ADAMTSL1: variants seen among roughly 807,000 people sequenced by gnomAD.
ADAMTSL1 encodes the protein ADAMTS-like protein 1.
A neutral mutation model predicts 201.8 loss-of-function variants in ADAMTSL1; 126 were observed. The observed-to-expected ratio is 0.62, with a 90% CI of 0.54 to 0.72. The LOEUF (loss-of-function observed/expected upper bound fraction) is 0.72. Among genes scored for constraint, ADAMTSL1 ranks in the 30% least tolerant of loss-of-function variants. The pLI is 0.00. For missense variants in ADAMTSL1, 2,679 were observed against 2,277.8 expected, an observed-to-expected ratio of 1.18 and a Z score of -3.59; for synonymous variants, 1,121 against 903.4, an observed-to-expected ratio of 1.24 and a Z score of -4.32.
At chr9:18,908,416 C>T in intron 28 of ADAMTSL1, 26 bp from the exon 29 acceptor site, 4 of 1,538,958 alleles carry the variant, frequency 2.6e-6, no homozygotes, top group Non-Finnish European at 2.6e-6. Context: ...TCTGTCTCCT[C>T]TCCCGACCCC....
intron 23 of ADAMTSL1, among the ~76,000 whole-genome samples, chr9:18,879,083 C>T (rs745687285): frequency 4.6e-5 from 7 of 152,278 alleles, no homozygotes; most frequent in South Asian, 2.1e-4. Flanking sequence ...GGCTTAGTTC[C>T]GTTTCACTAT....
chr9:18,616,524 G>C (rs1825711026), intron 4 of ADAMTSL1, among the ~76,000 whole-genome samples: 2 of 151,854 alleles, frequency 1.3e-5, no homozygotes, highest in African/African-American at 4.8e-5. Context: ...AGTGGTTTTT[G>C]ATTTATTCAT....
intron 1 of ADAMTSL1, among the ~76,000 whole-genome samples, chr9:18,026,933 C>A (rs547296699): frequency 2.9e-4 from 44 of 151,980 alleles, no homozygotes; most frequent in African/African-American, 1.0e-3. Flanking sequence ...CTGATTCAAT[C>A]TTGGGAGTTA....
intron 1 of ADAMTSL1, among the ~76,000 whole-genome samples, chr9:18,151,255 T>C (rs1826898302): frequency 6.6e-6 from 1 of 152,070 alleles, no homozygotes; most frequent in Admixed American, 6.6e-5. Context: ...TTTACACAAC[T>C]GTAATGTGGG....
intron 2 of ADAMTSL1, among the ~76,000 whole-genome samples, chr9:18,397,240 G>T (rs1195872308): frequency 2.0e-5 from 3 of 152,128 alleles, no homozygotes; most frequent in African/African-American, 7.2e-5. Flanking sequence ...AGAATGAGTT[G>T]AGAGTGCCTT....
At chr9:18,717,966 T>C (rs768993017) in intron 14 of ADAMTSL1, 63 of 1,525,880 alleles carry the variant, frequency 4.1e-5, no homozygotes, top group Admixed American at 6.7e-5. Context: ...GCAATGCACT[T>C]AGTACATTAA....
chr9:18,699,320 C>CT (rs34869167), intron 13 of ADAMTSL1, among the ~76,000 whole-genome samples: 4,635 of 120,248 alleles, frequency 0.039, 215 homozygotes, highest in East Asian at 0.2. Flanking sequence ...GGGTTTTTTA[C>CT]TTTTTTTTTT....
chr9:18,739,266 G>T (rs1485911902), intron 15 of ADAMTSL1, among the ~76,000 whole-genome samples: 1 of 152,112 alleles, frequency 6.6e-6, no homozygotes, highest in African/African-American at 2.4e-5. Flanking sequence ...ACTTTCCCAA[G>T]GTCATAAAAC....
At chr9:18,466,844 C>G (rs1821024995) in intron 2 of ADAMTSL1, among the ~76,000 whole-genome samples, 1 of 152,070 alleles carries the variant, frequency 6.6e-6, no homozygotes, top group Non-Finnish European at 1.5e-5. Context: ...GAAGACCATA[C>G]AGTGATCTGT....
intron 1 of ADAMTSL1, among the ~76,000 whole-genome samples, chr9:18,503,421 G>GTGTGTATATATATATATA (rs376466829): frequency 1.7e-5 from 2 of 115,288 alleles, no homozygotes; most frequent in African/African-American, 3.1e-5. Context: ...ATTCCATTGT[G>GTGTGTATATATATATATA]TATATATATA....
intron 2 of ADAMTSL1, among the ~76,000 whole-genome samples, chr9:18,166,676 C>G (rs10963485): frequency 0.16 from 24,732 of 151,802 alleles, 2,278 homozygotes; most frequent in East Asian, 0.24. Context: ...AACACCATGT[C>G]TCACTCCAGG....
intron 1 of ADAMTSL1, among the ~76,000 whole-genome samples, chr9:18,135,134 T>C (rs945775701): frequency 4.6e-5 from 7 of 152,180 alleles, no homozygotes; most frequent in African/African-American, 1.7e-4. Flanking sequence ...TTTGTAATTA[T>C]AAACATCTGA....
At chr9:18,662,734 G>C (rs138221168) in intron 9 of ADAMTSL1, among the ~76,000 whole-genome samples, 5 of 152,254 alleles carry the variant, frequency 3.3e-5, no homozygotes, top group Admixed American at 2.0e-4. Flanking sequence ...TTATCTGCAG[G>C]GTCAAGAATC....
intron 2 of ADAMTSL1, among the ~76,000 whole-genome samples, chr9:18,311,248 A>C (rs567066914): frequency 6.6e-6 from 1 of 152,130 alleles, no homozygotes; most frequent in South Asian, 2.1e-4. Context: ...AGAAATACCT[A>C]ATATAGATGA....
At chr9:18,562,680 A>T (rs1328429691) in intron 3 of ADAMTSL1, among the ~76,000 whole-genome samples, 1 of 152,168 alleles carries the variant, frequency 6.6e-6, no homozygotes, top group African/African-American at 2.4e-5. Flanking sequence ...GTCTTTTCAC[A>T]TAGTTCCATA....
chr9:18,197,278 C>T (rs1234942201), intron 2 of ADAMTSL1, among the ~76,000 whole-genome samples: 1 of 152,114 alleles, frequency 6.6e-6, no homozygotes, highest in Non-Finnish European at 1.5e-5. Flanking sequence ...GCAGTATGGC[C>T]ATTTTCACAA....
At chr9:18,842,278 C>T (rs1462428881) in intron 23 of ADAMTSL1, among the ~76,000 whole-genome samples, 3 of 152,022 alleles carry the variant, frequency 2.0e-5, no homozygotes, top group African/African-American at 7.3e-5. Context: ...TTTCTTTCTG[C>T]CTTCATTTCG....
chr9:18,577,832 A>G (rs75427208), intron 4 of ADAMTSL1, among the ~76,000 whole-genome samples: 3,375 of 152,234 alleles, frequency 0.022, 119 homozygotes, highest in African/African-American at 0.071. Flanking sequence ...AAAAAACAAA[A>G]AGAGACCTTC....
chr9:18,182,913 C>CA (rs1828565442), intron 2 of ADAMTSL1, among the ~76,000 whole-genome samples: 2 of 152,122 alleles, frequency 1.3e-5, no homozygotes, highest in South Asian at 4.1e-4. Context: ...CTCTCATTTA[C>CA]AAGTAAGGAA....
Sources: allele counts gnomAD v4.1 joint callset (sites outside exome capture counted in the v4.1 genomes callset), GRCh38; gene constraint gnomAD v4.1.1; transcripts MANE v1.5; gene names NCBI Gene and HGNC (gene_info 2026-07-23, HGNC 2026-07-21).